PPP2R3C: variants seen among roughly 807,000 people sequenced by gnomAD.
The protein encoded by PPP2R3C is protein phosphatase 2 regulatory subunit B''gamma.
PPP2R3C carries 47 observed loss-of-function variants against 63.7 expected under a neutral mutation model. That is an observed-to-expected ratio of 0.74 (90% CI 0.58 to 0.94). PPP2R3C has a LOEUF of 0.94. PPP2R3C is among the 40% of genes least tolerant of loss of function. The probability of loss-of-function intolerance (pLI) is 0.00; values close to 1 mark genes in which losing one functional copy is unlikely to be tolerated. For synonymous variants in PPP2R3C, 180 were observed against 177.4 expected (o/e 1.01, Z -0.12); for missense variants, 421 against 518.4 (o/e 0.81, Z 1.82).
At chr14:35,111,235 CAAAAA>C (rs3058398) in intron 2 of PPP2R3C, among the ~76,000 whole-genome samples, 2 of 89,790 alleles carry the variant, frequency 2.2e-5, no homozygotes, top group African/African-American at 4.2e-5. Flanking sequence ...CTCCATCTAC[CAAAAA>C]AAAAAAAAAA....
At chr14:35,111,031 G>C (rs2046540513) in intron 2 of PPP2R3C, among the ~76,000 whole-genome samples, 1 of 151,968 alleles carries the variant, frequency 6.6e-6, no homozygotes, top group Admixed American at 6.6e-5. Context: ...GAAGTCAAGA[G>C]ATCGACCATC....
chr14:35,089,690 C>G (rs1454485798), intron 11 of PPP2R3C, among the ~76,000 whole-genome samples: 1 of 151,614 alleles, frequency 6.6e-6, no homozygotes, highest in Non-Finnish European at 1.5e-5. Flanking sequence ...TTTTGAGACT[C>G]AGTCTCGCTC....
rs751784254 is a variant in PPP2R3C, at chr14:35,095,165, A to T, written c.858T>A (p.Asp286Glu). Residue 286 changes from aspartate to glutamate, a missense_variant, in exon 10 of 13, where the codon GAT becomes GAA. This residue lies in a region of PPP2R3C where 231 missense variants were observed against 264.8 expected (regional missense o/e 0.87). Coordinates refer to ENST00000261475, the MANE Select transcript of PPP2R3C (RefSeq NM_017917.4). Reference protein sequence around the residue: ...LRVYGQYLNLDKDHNGMLSKE... With the variant: ...LRVYGQYLNLEKDHNGMLSKE... ...TACTGAGCATGCCATTGTGATCTTT[A>T]TCAAGATTCAAGTACTGGCCTTGGG... 2 of 1,613,738 alleles carry T rather than the reference A, an allele frequency of 1.2e-6. No individual in the cohort carries two copies. The highest frequency in any genetic ancestry group is 2.2e-5 in the South Asian group (2 of 91,038).
At chr14:35,110,688 G>T in intron 2 of PPP2R3C, 59 bp from the exon 3 acceptor site, 3 of 1,110,886 alleles carry the variant, frequency 2.7e-6, no homozygotes, top group Non-Finnish European at 4.0e-6. Context: ...CCTATAAAAT[G>T]TATGTGGCCT....
rs1348723820 is a variant in PPP2R3C, at chr14:35,096,746, T to G, written c.725A>C (p.Asp242Ala). The G allele has an allele frequency of 6.3e-7, 1 of 1,587,406 alleles. No homozygotes were observed. Among genetic ancestry groups the G allele is most frequent in the Non-Finnish European group, 8.6e-7 (1 of 1,166,016 alleles). ...PLRTGKIKIQ[D>A]ILACSFLDDL... ...ATCTAGGAAGCTGCATGCTAAAATA[T>G]CTTGAATTTTTATCTTTCCTTTAAG... is the stretch of plus-strand genomic sequence containing the variant. Residue 242 changes from aspartate to alanine, a missense_variant, in exon 8 of 13, where the codon GAT (aspartate) becomes GCT (alanine). Coordinates refer to ENST00000261475, the MANE Select transcript of PPP2R3C (RefSeq NM_017917.4).
At position 35,116,159 on chromosome 14, in the gene PPP2R3C, T is replaced by C. The variant is rs191453660; in HGVS notation, c.186+451A>G. 4.8e-3 allele frequency among the ~76,000 whole-genome samples: 735 copies of C among 152,184 alleles called. 3 individuals are homozygous for C. The highest frequency in any genetic ancestry group is 0.01 in the Middle Eastern group (3 of 294). ...GGCTCAAAATGTTTTATAATAGTGA[T>C]AAGATCAATTACAATAAAATAATAT... On this transcript the variant is annotated intron_variant, in intron 2 of 12. Coordinates refer to ENST00000261475, the MANE Select transcript of PPP2R3C (RefSeq NM_017917.4).
chr14:35,093,920 A>C (rs1174800236), intron 10 of PPP2R3C, among the ~76,000 whole-genome samples: 1 of 152,162 alleles, frequency 6.6e-6, no homozygotes. Flanking sequence ...CAAAGTTATC[A>C]GATTCTTAAC....
At chr14:35,102,446 T>C (rs2046229587) in intron 6 of PPP2R3C, 1 of 152,214 alleles carries the variant, frequency 6.6e-6, no homozygotes, top group Non-Finnish European at 1.5e-5. Flanking sequence ...ACTTGAAGTA[T>C]CCAAAATGGG....
At chr14:35,099,472 A>G in intron 6 of PPP2R3C, 88 bp from the exon 7 acceptor site, 2 of 1,386,528 alleles carry the variant, frequency 1.4e-6, no homozygotes, top group Non-Finnish European at 1.9e-6. Flanking sequence ...TTCAGCATTA[A>G]TACTATATTG....
chr14:35,096,037 G>A (rs1273198118), intron 9 of PPP2R3C, among the ~76,000 whole-genome samples: 1 of 152,086 alleles, frequency 6.6e-6, no homozygotes, highest in Non-Finnish European at 1.5e-5. Flanking sequence ...TGAAAAGGAA[G>A]TGTATAACTT....
intron 6 of PPP2R3C, chr14:35,101,129 C>A (rs538725646): frequency 6.6e-6 from 1 of 152,294 alleles, no homozygotes; most frequent in South Asian, 2.1e-4. Flanking sequence ...TCGCGTGCCA[C>A]CATGCCTGGC....
At chr14:35,120,536 C>A (rs1457021364) in intron 1 of PPP2R3C, among the ~76,000 whole-genome samples, 1 of 152,120 alleles carries the variant, frequency 6.6e-6, no homozygotes, top group African/African-American at 2.4e-5. Flanking sequence ...TGAGCGACCG[C>A]GCCCGGCCGA....
intron 10 of PPP2R3C, among the ~76,000 whole-genome samples, chr14:35,094,481 T>TA (rs76520532): frequency 0.019 from 2,807 of 144,388 alleles, 55 homozygotes; most frequent in East Asian, 0.083. Context: ...AGCTTTTTTT[T>TA]AAAAAAAAAA....
chr14:35,120,814 C>T (rs149709776), intron 1 of PPP2R3C, among the ~76,000 whole-genome samples: 38 of 152,152 alleles, frequency 2.5e-4, no homozygotes, highest in African/African-American at 8.9e-4. Context: ...GGTGTGGTGG[C>T]GTGTGCCTGT....
chr14:35,107,187 C>A, intron 6 of PPP2R3C, 117 bp downstream of exon 6: 1 of 711,538 alleles, frequency 1.4e-6, no homozygotes, highest in Non-Finnish European at 2.3e-6. Flanking sequence ...CACACACAGA[C>A]AGAAATAAAA....
chr14:35,098,772 A>C (rs2046090583), intron 7 of PPP2R3C: 1 of 153,400 alleles, frequency 6.5e-6, no homozygotes, highest in Non-Finnish European at 1.4e-5. Context: ...AATAAAACAA[A>C]CTGTTAATGA....
chr14:35,100,325 A>G (rs989361598), intron 6 of PPP2R3C: 3 of 152,190 alleles, frequency 2.0e-5, no homozygotes, highest in Admixed American at 1.3e-4. Context: ...TACAATTTCT[A>G]TAAGTGGACC....
At chr14:35,098,025 T>G (rs2046055385) in intron 7 of PPP2R3C, among the ~76,000 whole-genome samples, 1 of 152,138 alleles carries the variant, frequency 6.6e-6, no homozygotes, top group South Asian at 2.1e-4. Flanking sequence ...GAGATGAAAA[T>G]GAATGAATCC....
intron 2 of PPP2R3C, among the ~76,000 whole-genome samples, chr14:35,115,757 G>A (rs1320279842): frequency 6.6e-6 from 1 of 152,124 alleles, no homozygotes; most frequent in Non-Finnish European, 1.5e-5. Flanking sequence ...GAGTAGCTAG[G>A]ATTACCGGCG....
Sources: gnomAD v4.1 joint callset for allele counts (sites outside exome capture counted in the v4.1 genomes callset) on GRCh38, gnomAD v4.1.1 for gene constraint, gnomAD v4.1.1 regional missense constraint, MANE v1.5 for transcripts, NCBI Gene and HGNC (gene_info 2026-07-23, HGNC 2026-07-21) for gene names.